Variants in RFX4 observed in about 807,000 individuals in gnomAD.
The protein encoded by RFX4 is regulatory factor X4, also known as transcription factor RFX4.
RFX4 carries 10 observed loss-of-function variants against 95.0 expected under a neutral mutation model. The ratio of observed to expected loss-of-function variants is 0.11; its 90% CI spans 0.06 to 0.18. RFX4 has a LOEUF of 0.18. Ranked by LOEUF, RFX4 falls within the 10% of genes least tolerant of loss-of-function variation. RFX4 has a pLI of 1.00. For synonymous variants in RFX4, 321 were observed against 340.7 expected, an observed-to-expected ratio of 0.94 and a Z score of 0.64; for missense variants, 640 against 922.0, an observed-to-expected ratio of 0.69 and a Z score of 3.96.
chr12:106,592,139 A>G (rs2039556690), intron 1 of RFX4, among the ~76,000 whole-genome samples: 1 of 152,120 alleles, frequency 6.6e-6, no homozygotes, highest in Non-Finnish European at 1.5e-5. Context: ...ATTATTATTA[A>G]CAATAATTAT....
chr12:106,675,077 A>G (rs1452182140), intron 4 of RFX4, among the ~76,000 whole-genome samples: 1 of 152,260 alleles, frequency 6.6e-6, no homozygotes, highest in East Asian at 1.9e-4. Context: ...TTAGGCAGGA[A>G]GAACAAGTTC....
At chr12:106,722,641 A>G (rs1042894752) in intron 13 of RFX4, among the ~76,000 whole-genome samples, 4 of 152,214 alleles carry the variant, frequency 2.6e-5, no homozygotes, top group African/African-American at 9.6e-5. Context: ...AAAAGGAGAA[A>G]AAGAGATATT....
intron 1 of RFX4, among the ~76,000 whole-genome samples, chr12:106,588,759 C>G (rs570405777): frequency 6.6e-6 from 1 of 152,266 alleles, no homozygotes; most frequent in East Asian, 1.9e-4. Context: ...ACATCTATGT[C>G]AAATCTTCTG....
intron 2 of RFX4, among the ~76,000 whole-genome samples, chr12:106,618,134 C>T (rs762316922): frequency 8.5e-5 from 13 of 152,066 alleles, no homozygotes; most frequent in Non-Finnish European, 1.9e-4. Context: ...TGAATGTATA[C>T]TGGATGGAGT....
At chr12:106,706,127 G>C (rs925700335) in intron 8 of RFX4, among the ~76,000 whole-genome samples, 1 of 152,216 alleles carries the variant, frequency 6.6e-6, no homozygotes, top group Non-Finnish European at 1.5e-5. Flanking sequence ...AGGTGAAGAG[G>C]GAAGAGATGT....
chr12:106,679,630 G>C (rs928025148), intron 4 of RFX4, among the ~76,000 whole-genome samples: 3 of 152,044 alleles, frequency 2.0e-5, no homozygotes, highest in Non-Finnish European at 4.4e-5. Flanking sequence ...TTCTTTGCTT[G>C]GGTGGTTAGG....
chr12:106,696,256 G>A (rs1565983852), intron 7 of RFX4, 27 bp from the exon 8 acceptor site: 1 of 1,613,444 alleles, frequency 6.2e-7, no homozygotes, highest in Non-Finnish European at 8.5e-7. Context: ...GTAACCTCAT[G>A]ATTCTTCTCT....
intron 16 of RFX4, among the ~76,000 whole-genome samples, chr12:106,749,726 G>A (rs2136091498): frequency 6.6e-6 from 1 of 152,246 alleles, no homozygotes; most frequent in Non-Finnish European, 1.5e-5. Flanking sequence ...TCACACATAC[G>A]ATCCTCAGAA....
rs1003532618 is a variant in RFX4 at position 106,742,169 on chromosome 12, TTTGTTG to T, written c.1634-5253_1634-5248del. 3.3e-5 allele frequency among the ~76,000 whole-genome samples: 5 copies of T among 152,210 alleles called. No individual in the cohort carries two copies. In the East Asian group the frequency reaches 9.7e-4, roughly 29 times the overall value. Reference sequence around the variant, plus strand: ...TAGCAGAATCTCAAAGCTTCAGGTTTTTGTTGTTGTTGTTGTTGTTATTGTTGTTGT... The same window carrying T: ...TAGCAGAATCTCAAAGCTTCAGGTTTTTGTTGTTGTTGTTATTGTTGTTGT... On this transcript the variant is annotated intron_variant, in intron 15 of 17. Transcript: ENST00000392842.
rs959905619 is a variant in RFX4, at chr12:106,761,724, C to T, written c.*255C>T. 1 of 179,440 alleles carries T rather than the reference C, an allele frequency of 5.6e-6. No individual in the cohort carries two copies. The highest frequency in any genetic ancestry group is 2.4e-5 in the African/African-American group (1 of 42,166). The allele number at this position is 179,440 out of a possible 1,614,324, so 11.1% of individuals were successfully genotyped here. A position where few individuals can be genotyped will look rare whatever the true frequency, so the allele number is the denominator to read the frequency against. On this transcript the variant is annotated 3_prime_UTR_variant, in exon 18 of 18. Transcript: ENST00000392842. Reference sequence around the variant, plus strand: ...GCCAGACTTGACTGTTTCTGTAGAGCACTATCTCGGGCAGGCCATTCTGTG... The same window carrying T: ...GCCAGACTTGACTGTTTCTGTAGAGTACTATCTCGGGCAGGCCATTCTGTG...
At chr12:106,596,667 C>T (rs2039624245) in intron 1 of RFX4, among the ~76,000 whole-genome samples, 1 of 152,180 alleles carries the variant, frequency 6.6e-6, no homozygotes, top group South Asian at 2.1e-4. Context: ...TGTTCCAAAG[C>T]TGATCCTGCT....
chr12:106,655,582 C>T (rs893410380), intron 4 of RFX4, among the ~76,000 whole-genome samples: 1 of 152,106 alleles, frequency 6.6e-6, no homozygotes, highest in Non-Finnish European at 1.5e-5. Flanking sequence ...CAGGAGTTTG[C>T]GGTCCTGGAA....
intron 17 of RFX4, 114 bp from the exon 18 acceptor site, chr12:106,761,083 C>T (rs991920015): frequency 8.8e-7 from 1 of 1,135,008 alleles, no homozygotes; most frequent in African/African-American, 1.6e-5. Context: ...TCTCCATCAA[C>T]TCTCATTAAT....
chr12:106,723,481 G>C (rs996742664), intron 13 of RFX4, among the ~76,000 whole-genome samples: 1 of 152,168 alleles, frequency 6.6e-6, no homozygotes, highest in South Asian at 2.1e-4. Flanking sequence ...GGTAATAATA[G>C]TTCCCGGAAG....
intron 2 of RFX4, among the ~76,000 whole-genome samples, chr12:106,629,814 C>T (rs1447153874): frequency 6.6e-6 from 1 of 152,154 alleles, no homozygotes; most frequent in Admixed American, 6.5e-5. Flanking sequence ...GACGGGGTCT[C>T]ACTATGACCC....
At chr12:106,757,863 A>G (rs906329250) in intron 17 of RFX4, among the ~76,000 whole-genome samples, 1 of 152,210 alleles carries the variant, frequency 6.6e-6, no homozygotes, top group Non-Finnish European at 1.5e-5. Context: ...TATGGTTCCA[A>G]AGAGAGCAAG....
At chr12:106,650,266 C>T (rs558070294) in intron 3 of RFX4, among the ~76,000 whole-genome samples, 1 of 152,108 alleles carries the variant, frequency 6.6e-6, no homozygotes, top group East Asian at 1.9e-4. Flanking sequence ...AAAATAAATT[C>T]TAGGAAGCCA....
intron 3 of RFX4, among the ~76,000 whole-genome samples, chr12:106,648,983 G>A (rs2040808454): frequency 6.6e-6 from 1 of 152,098 alleles, no homozygotes; most frequent in South Asian, 2.1e-4. Flanking sequence ...AATGACTCAT[G>A]TTAGCTAGCA....
At position 106,761,542 on chromosome 12, in the gene RFX4, C is replaced by T; in HGVS notation, c.*73C>T. 8.9e-7 allele frequency: 1 copy of T among 1,128,522 alleles called. No individual in the cohort carries two copies. The highest frequency in any genetic ancestry group is 3.9e-5 in the Admixed American group (1 of 25,668). 69.9% of individuals were successfully genotyped at this position (1,128,522 alleles called of 1,614,324 possible). The stretch of plus-strand genomic sequence containing the variant: ...ATAATAATAAACCCAACACCCATCC[C>T]CCAGAAGACTTTATCTCTATACATT... On this transcript the variant is annotated 3_prime_UTR_variant, in exon 18 of 18. Coordinates refer to ENST00000392842, the MANE Select transcript of RFX4 (RefSeq NM_213594.3).
Sources: allele counts gnomAD v4.1 joint callset (sites outside exome capture counted in the v4.1 genomes callset), GRCh38; gene constraint gnomAD v4.1.1; transcripts MANE v1.5; gene names NCBI Gene and HGNC (gene_info 2026-07-23, HGNC 2026-07-21).